The following AP4E1 variants were observed in gnomAD, a reference collection of about 807,000 sequenced individuals.
The protein encoded by AP4E1 is adaptor related protein complex 4 subunit epsilon 1, also known as AP-4 complex subunit epsilon-1.
Under a neutral mutation model 128.2 loss-of-function variants are expected in AP4E1, and 56 were observed. That is an observed-to-expected ratio of 0.44 (90% CI 0.35 to 0.55). The LOEUF is 0.55. AP4E1 is among the 20% of genes least tolerant of loss of function. AP4E1 has a pLI of 0.00. For missense variants in AP4E1, 1,324 were observed against 1,307.7 expected, an observed-to-expected ratio of 1.01 and a Z score of -0.19; for synonymous variants, 484 against 473.1, an observed-to-expected ratio of 1.02 and a Z score of -0.30.
In AP4E1 at chr15:50,925,235, T is replaced by C. The variant is rs1009878312; in HGVS notation, c.542+16T>C. 6.2e-6 allele frequency: 10 copies of C among 1,609,544 alleles called. No individual in the cohort carries two copies. Among genetic ancestry groups the C allele is most frequent in the Non-Finnish European group, 8.5e-6 (10 of 1,176,436 alleles). ...AACATTCTAAGTAAGTAAATTCTTT[T>C]GGGATAGGCATCTATGCCATATATT... On this transcript the variant is annotated intron_variant, in intron 5 of 20. Coordinates refer to ENST00000261842, the MANE Select transcript of AP4E1 (RefSeq NM_007347.5).
rs549411777 is a variant in AP4E1, at chr15:50,940,411, C to T, written c.944-1031C>T. 2.6e-5 allele frequency among the ~76,000 whole-genome samples: 4 copies of T among 151,994 alleles called. No homozygotes were observed. In the South Asian group the frequency reaches 8.3e-4, roughly 32 times the overall value. ...CAGAGGTTTATAGAAGTTTTTTCCA[C>T]AAAATTTATTTGTGCATTAATCGAT... On this transcript the variant is annotated intron_variant, in intron 8 of 20. Coordinates refer to ENST00000261842, the MANE Select transcript of AP4E1 (RefSeq NM_007347.5).
intron 4 of AP4E1, among the ~76,000 whole-genome samples, chr15:50,924,229 CTCT>C (rs1041171988): frequency 2.0e-5 from 3 of 152,098 alleles, no homozygotes; most frequent in African/African-American, 4.8e-5. Flanking sequence ...GTAGCTGCTG[CTCT>C]TCTTGTTATA....
intron 3 of AP4E1, among the ~76,000 whole-genome samples, chr15:50,919,539 TAAATAA>T (rs2063669652): frequency 4.8e-5 from 1 of 20,724 alleles, no homozygotes; most frequent in African/African-American, 2.9e-4. Flanking sequence ...TCTCAAAAAA[TAAATAA>T]ATAAATAAAT....
At chr15:50,975,232 C>G (rs1428133379) in intron 15 of AP4E1, among the ~76,000 whole-genome samples, 1 of 152,100 alleles carries the variant, frequency 6.6e-6, no homozygotes, top group Non-Finnish European at 1.5e-5. Context: ...ATGGAGATAC[C>G]TCATCTCTAC....
rs1279088411 is a variant in AP4E1 at position 50,948,092 on chromosome 15, T to G, written c.1249T>G (p.Leu417Val). ...TATTGTCCAGAAAATGCTTGAATAT[T>G]TACATCAGAGCAAAGAAGAGTATGT... ...TVIVQKMLEY[L>V]HQSKEEYVIV... Residue 417 changes from leucine to valine, a missense_variant, in exon 11 of 21, where the codon TTA becomes GTA. Physicochemically the swap from Leu to Val is conservative, Grantham distance 32 (BLOSUM62 1). Transcript: ENST00000261842. 1 of 1,613,698 alleles carries G rather than the reference T, an allele frequency of 6.2e-7. No individual in the cohort carries two copies. Among genetic ancestry groups the G allele is most frequent in the African/African-American group, 1.3e-5 (1 of 74,916 alleles).
In AP4E1 at chr15:50,997,657, C is replaced by A. The variant is rs1313330480; in HGVS notation, c.2678C>A (p.Ala893Glu). The A allele has an allele frequency of 6.2e-7, 1 of 1,614,042 alleles. No homozygotes were observed. Residue 893 changes from alanine to glutamate, a missense_variant, in exon 18 of 21, where the codon GCA (alanine) becomes GAA (glutamate). Coordinates refer to ENST00000261842, the MANE Select transcript of AP4E1 (RefSeq NM_007347.5). ...ATTTTTCACCCTCCTCAATCTACTGCAGCCTCAGTTGCCAAGGAAAGCTCT... is the reference window on the plus strand; with the variant it reads ...ATTTTTCACCCTCCTCAATCTACTGAAGCCTCAGTTGCCAAGGAAAGCTCT... ...MEIFHPPQST[A>E]ASVAKESSLA...
chr15:50,908,722 T>C lies in AP4E1; in HGVS notation c.-57T>C, dbSNP rs1474922901. ...CCGGGCCGGCAGCGGCGGCCGGGCA[T>C]GAAGCCGGGCGGCTACGGGATCGCG... is the stretch of plus-strand genomic sequence containing the variant. On this transcript the variant is annotated 5_prime_UTR_variant, in exon 1 of 21. An upstream start codon of the reference 5' UTR is lost. Coordinates refer to ENST00000261842, the MANE Select transcript of AP4E1 (RefSeq NM_007347.5). 1.4e-6 allele frequency: 2 copies of C among 1,438,352 alleles called. No homozygotes were observed. The highest frequency in any genetic ancestry group is 2.9e-5 in the South Asian group (2 of 67,836). 89.1% of individuals were successfully genotyped at this position (1,438,352 alleles called of 1,614,324 possible). A position where few individuals can be genotyped will look rare whatever the true frequency, so the allele number is the denominator to read the frequency against.
At chr15:50,909,705 TGAGACG>T (rs950595759) in intron 1 of AP4E1, among the ~76,000 whole-genome samples, 59 of 152,100 alleles carry the variant, frequency 3.9e-4, no homozygotes, top group African/African-American at 1.4e-3. Context: ...TGTTTTTTTT[TGAGACG>T]GAGTCTCGCT....
rs1418856962 is a variant in AP4E1 at position 51,001,972 on chromosome 15, G to A, written c.3254-530G>A. Among the ~76,000 whole-genome samples the A allele has an allele frequency of 3.3e-5, 5 of 152,156 alleles. No individual in the cohort carries two copies. In the East Asian group the frequency reaches 5.8e-4, roughly 18 times the overall value. On this transcript the variant is annotated intron_variant, in intron 20 of 20. Transcript: ENST00000261842. ...GAGCTCACTGCAACCTCCACCTTCC[G>A]TGTTCAAGCTATTCTCGTGCCTCAG...
chr15:50,922,727 C>T (rs1445884800), intron 3 of AP4E1, among the ~76,000 whole-genome samples: 1 of 151,768 alleles, frequency 6.6e-6, no homozygotes, highest in African/African-American at 2.4e-5. Flanking sequence ...GGGTTTGAGT[C>T]CTGGCTCCAC....
At chr15:50,958,284 A>G (rs1459955466) in intron 13 of AP4E1, among the ~76,000 whole-genome samples, 4 of 152,208 alleles carry the variant, frequency 2.6e-5, no homozygotes, top group Admixed American at 2.0e-4. Flanking sequence ...TATATTGTTA[A>G]TGACAATGAT....
intron 14 of AP4E1, among the ~76,000 whole-genome samples, chr15:50,961,333 A>G (rs1481239063): frequency 6.6e-6 from 1 of 152,156 alleles, no homozygotes; most frequent in Non-Finnish European, 1.5e-5. Context: ...AGTATCCCAG[A>G]TGAACATAGA....
intron 10 of AP4E1, among the ~76,000 whole-genome samples, chr15:50,942,486 T>G (rs952552894): frequency 3.3e-5 from 5 of 150,326 alleles, no homozygotes; most frequent in African/African-American, 1.3e-4. Context: ...ATCTATAAAA[T>G]TAATTAATTT....
At position 50,997,959 on chromosome 15, in the gene AP4E1, T is replaced by A. The variant is rs187544782; in HGVS notation, c.2904+76T>A. On this transcript the variant is annotated intron_variant, in intron 18 of 20. Coordinates refer to ENST00000261842, the MANE Select transcript of AP4E1 (RefSeq NM_007347.5). ...TCTTTTCCTGTGCTCTTTAAATGTCTCCTTCACTTTTGTCATAAACACTAA... is the reference window on the plus strand; with the variant it reads ...TCTTTTCCTGTGCTCTTTAAATGTCACCTTCACTTTTGTCATAAACACTAA... 6,267 of 1,170,456 alleles carry A rather than the reference T, an allele frequency of 5.4e-3. 120 individuals are homozygous for A. Among genetic ancestry groups the A allele is most frequent in the South Asian group, 0.048 (3,203 of 67,166 alleles). 72.5% of individuals were successfully genotyped at this position (1,170,456 alleles called of 1,614,324 possible).
intron 4 of AP4E1, among the ~76,000 whole-genome samples, chr15:50,924,634 A>G (rs1477252964): frequency 6.6e-6 from 1 of 152,162 alleles, no homozygotes; most frequent in African/African-American, 2.4e-5. Context: ...TTCCAAACTT[A>G]AAAAATATAT....
chr15:50,951,147 T>G (rs2064144189), intron 13 of AP4E1, among the ~76,000 whole-genome samples: 1 of 152,210 alleles, frequency 6.6e-6, no homozygotes, highest in Non-Finnish European at 1.5e-5. Context: ...CAGGTATGGC[T>G]TAGCTGGGTT....
chr15:50,995,269 G>C (rs1225041826), intron 17 of AP4E1, among the ~76,000 whole-genome samples: 2 of 151,986 alleles, frequency 1.3e-5, no homozygotes, highest in East Asian at 1.9e-4. Context: ...ATACATCAAG[G>C]CTCTATTGAT....
rs575937188 is a variant in AP4E1 at position 50,967,650 on chromosome 15, C to CA, written c.1852-611dup. The stretch of plus-strand genomic sequence containing the variant: ...GTAGGAGCTGTGTCTTCCTTTGTCT[C>CA]AATTATAGAACCTAACAGGATGCCG... On this transcript the variant is annotated intron_variant, in intron 14 of 20. Transcript: ENST00000261842. Among the ~76,000 whole-genome samples, 29 of 152,224 alleles carry CA rather than the reference C, an allele frequency of 1.9e-4. No individual in the cohort carries two copies. In the South Asian group the frequency reaches 6.0e-3, roughly 32 times the overall value.
Position 50,941,752 on chromosome 15 carries a change from C to A in AP4E1, c.1153C>A (p.Pro385Thr). ...QMTIIECLDHPDPIIKRETLE... is the reference protein window; with the variant it reads ...QMTIIECLDHTDPIIKRETLE... ...GACAATAATTGAATGTTTAGATCAT[C>A]CTGATCCCATTATTAAAAGAGAGGT... is the stretch of plus-strand genomic sequence containing the variant. The change falls in exon 10 of 21, where the codon CCT (proline) becomes ACT (threonine). Residue 385 changes from proline to threonine, a missense_variant. By Grantham distance (38) the Pro-to-Thr change is conservative. Coordinates refer to ENST00000261842, the MANE Select transcript of AP4E1 (RefSeq NM_007347.5). 1 of 1,610,338 alleles carries A rather than the reference C, an allele frequency of 6.2e-7. No individual in the cohort carries two copies. The highest frequency in any genetic ancestry group is 8.5e-7 in the Non-Finnish European group (1 of 1,176,852).
Sources: gnomAD v4.1 joint callset for allele counts (sites outside exome capture counted in the v4.1 genomes callset) on GRCh38, gnomAD v4.1.1 for gene constraint, MANE v1.5 for transcripts, NCBI Gene and HGNC (gene_info 2026-07-23, HGNC 2026-07-21) for gene names.